FANCC: variants seen among roughly 807,000 people sequenced by gnomAD.
The protein encoded by FANCC is FA complementation group C, also known as Fanconi anemia group C protein.
FANCC carries 55 observed loss-of-function variants against 71.3 expected under a neutral mutation model. That is an observed-to-expected ratio of 0.77 (90% confidence interval 0.62 to 0.97). The LOEUF (loss-of-function observed/expected upper bound fraction) is 0.97, where lower values mean the gene tolerates loss of function less well. Among genes scored for constraint, FANCC ranks in the 50% least tolerant of loss-of-function variants. The pLI is 0.00. For synonymous variants in FANCC, 275 were observed against 244.9 expected, an observed-to-expected ratio of 1.12 and a Z score of -1.15; for missense variants, 678 against 670.9, an observed-to-expected ratio of 1.01 and a Z score of -0.12.
In FANCC at chr9:95,101,287, A is replaced by T; in HGVS notation, c.*420T>A. 6.3e-6 allele frequency: 2 copies of T among 315,448 alleles called. No individual in the cohort carries two copies. Among genetic ancestry groups the T allele is most frequent in the Non-Finnish European group, 1.2e-5 (2 of 167,294 alleles). 19.5% of individuals were successfully genotyped at this position (315,448 alleles called of 1,614,324 possible). On this transcript the variant is annotated 3_prime_UTR_variant, in exon 15 of 15. Coordinates refer to ENST00000289081, the MANE Select transcript of FANCC (RefSeq NM_000136.3). Reference sequence around the variant, plus strand: ...CCCTGACTCCTAAAAAGAGTCTAAAAAGAGCTAAGTTCTCTCTAAATTCTT... The same window carrying T: ...CCCTGACTCCTAAAAAGAGTCTAAATAGAGCTAAGTTCTCTCTAAATTCTT...
chr9:95,277,471 A>G (rs1833113881), intron 1 of FANCC, among the ~76,000 whole-genome samples: 1 of 152,198 alleles, frequency 6.6e-6, no homozygotes, highest in African/African-American at 2.4e-5. Context: ...ATCACATTGC[A>G]CCCTATAAAT....
At chr9:95,233,129 A>T (rs1050024966) in intron 4 of FANCC, among the ~76,000 whole-genome samples, 6 of 152,066 alleles carry the variant, frequency 3.9e-5, no homozygotes, top group African/African-American at 1.4e-4. Context: ...GCGGGAAAGG[A>T]GGGGAGATGG....
rs964425118 is a variant in FANCC, at chr9:95,101,582, A to G, written c.*125T>C. On this transcript the variant is annotated 3_prime_UTR_variant, in exon 15 of 15. Coordinates refer to ENST00000289081, the MANE Select transcript of FANCC (RefSeq NM_000136.3). ...TAGCAGATTGTCCCAAGATGTGTAC[A>G]GCTCATTCTCACAGCCCAGCGAGGG... 37 of 1,153,050 alleles carry G rather than the reference A, an allele frequency of 3.2e-5. No individual in the cohort carries two copies. The highest frequency in any genetic ancestry group is 2.7e-4 in the Middle Eastern group (1 of 3,644). 71.4% of individuals were successfully genotyped at this position (1,153,050 alleles called of 1,614,324 possible).
rs76428644 is a variant in FANCC at position 95,114,807 on chromosome 9, G to A, written c.1073-97C>T. 470 of 1,005,420 alleles carry A rather than the reference G, an allele frequency of 4.7e-4. 4 individuals carry two copies. The East Asian group carries it at 7.8e-3, about 17-fold the overall frequency. 62.3% of individuals were successfully genotyped at this position (1,005,420 alleles called of 1,614,324 possible). ...ATGACCTGAAGAGTCTTTGGGAGAC[G>A]CCCTTTACTTCTGGTTCACGGAACC... On this transcript the variant is annotated intron_variant, in intron 11 of 14. Transcript: ENST00000289081.
At chr9:95,120,976 T>C (rs910217945) in intron 10 of FANCC, among the ~76,000 whole-genome samples, 3 of 152,190 alleles carry the variant, frequency 2.0e-5, no homozygotes, top group African/African-American at 7.2e-5. Flanking sequence ...CTGCCTGCCT[T>C]CCAACCTCAC....
chr9:95,170,637 C>CGCGT (rs375072487), intron 6 of FANCC, among the ~76,000 whole-genome samples: 1 of 124,290 alleles, frequency 8.0e-6, no homozygotes, highest in African/African-American at 3.0e-5. Flanking sequence ...TTGTAAATAT[C>CGCGT]GTGTGTGTGT....
At chr9:95,205,451 C>T (rs1333680279) in intron 4 of FANCC, among the ~76,000 whole-genome samples, 1 of 151,460 alleles carries the variant, frequency 6.6e-6, no homozygotes, top group Non-Finnish European at 1.5e-5. Context: ...TTTAAAGCAA[C>T]AAGACAGCAT....
chr9:95,282,557 A>G (rs1833440417), intron 1 of FANCC, among the ~76,000 whole-genome samples: 1 of 152,198 alleles, frequency 6.6e-6, no homozygotes, highest in South Asian at 2.1e-4. Context: ...GAAACATCAG[A>G]TATGAACTGT....
At position 95,285,685 on chromosome 9, in the gene FANCC, A is replaced by T. The variant is rs1209623694; in HGVS notation, c.-79+31841T>A. On this transcript the variant is annotated intron_variant, in intron 1 of 14. Transcript: ENST00000289081. ...CAAGATCCTGTCTTGAAAAAAAAAA[A>T]TTCCCAGTACTGGCAAGAATACAGT... 2.0e-5 allele frequency among the ~76,000 whole-genome samples: 3 copies of T among 152,130 alleles called. No individual in the cohort carries two copies. In the South Asian group the frequency reaches 6.2e-4, roughly 32 times the overall value.
chr9:95,294,782 C>A (rs1242337015), intron 1 of FANCC: 2 of 1,567,856 alleles, frequency 1.3e-6, no homozygotes, highest in Admixed American at 1.9e-5. Flanking sequence ...CAGACTTCTG[C>A]GGAACCACAC....
At chr9:95,314,377 G>A (rs1365782433) in intron 1 of FANCC, among the ~76,000 whole-genome samples, 1 of 152,100 alleles carries the variant, frequency 6.6e-6, no homozygotes, top group Non-Finnish European at 1.5e-5. Context: ...CTTTCGGCCG[G>A]GCGCAGTGAC....
chr9:95,200,028 C>A (rs2135797264), intron 4 of FANCC, among the ~76,000 whole-genome samples: 1 of 152,162 alleles, frequency 6.6e-6, no homozygotes, highest in African/African-American at 2.4e-5. Context: ...TAAAATTTTT[C>A]TTTTATTTCG....
intron 1 of FANCC, among the ~76,000 whole-genome samples, chr9:95,281,883 G>C (rs1262084785): frequency 6.7e-6 from 1 of 149,182 alleles, no homozygotes; most frequent in African/African-American, 2.5e-5. Flanking sequence ...TAAGTCCCAT[G>C]GTAACCACAA....
intron 1 of FANCC, among the ~76,000 whole-genome samples, chr9:95,290,046 C>T (rs974051108): frequency 6.6e-6 from 1 of 152,304 alleles, no homozygotes; most frequent in East Asian, 1.9e-4. Context: ...TGTCATCCAA[C>T]CTTGCAGTAA....
At chr9:95,243,349 T>G (rs1830744178) in intron 3 of FANCC, among the ~76,000 whole-genome samples, 1 of 152,188 alleles carries the variant, frequency 6.6e-6, no homozygotes, top group Non-Finnish European at 1.5e-5. Flanking sequence ...ATTATCTATT[T>G]TGTCTCTTCT....
At chr9:95,263,494 A>G (rs200126160) in intron 1 of FANCC, among the ~76,000 whole-genome samples, 12 of 132,938 alleles carry the variant, frequency 9.0e-5, no homozygotes, top group African/African-American at 2.5e-4. Context: ...GTGTGTGTGT[A>G]TGTATGTGTA....
intron 4 of FANCC, among the ~76,000 whole-genome samples, chr9:95,211,732 A>G (rs1309521797): frequency 6.6e-6 from 1 of 152,214 alleles, no homozygotes; most frequent in African/African-American, 2.4e-5. Context: ...ACCCATAACC[A>G]AAAAGAAAAG....
chr9:95,190,381 TC>T (rs1247030351), intron 4 of FANCC, among the ~76,000 whole-genome samples: 29 of 152,216 alleles, frequency 1.9e-4, no homozygotes, highest in Middle Eastern at 3.2e-3. Flanking sequence ...TTCTCCTTGA[TC>T]CTACCTCTCC....
At chr9:95,180,417 G>T (rs1336716677) in intron 4 of FANCC, among the ~76,000 whole-genome samples, 2 of 140,586 alleles carry the variant, frequency 1.4e-5, no homozygotes. Context: ...ACAGTTCGCT[G>T]CAACTTTCAA....
Sources: gnomAD v4.1 joint callset for allele counts (sites outside exome capture counted in the v4.1 genomes callset) on GRCh38, gnomAD v4.1.1 for gene constraint, MANE v1.5 for transcripts, NCBI Gene and HGNC (gene_info 2026-07-23, HGNC 2026-07-21) for gene names.